Variants in CFAP96 observed in about 807,000 individuals in gnomAD.
CFAP96 encodes the protein cilia-and flagella-associated protein 96.
At chr4:185,438,218 C>A in the CFAP96 span, among the ~76,000 whole-genome samples, 2 of 151,980 alleles carry the variant, frequency 1.3e-5, no homozygotes, top group African/African-American at 4.8e-5. Context: ...GTTACATGTG[C>A]ATTAGGTCTC....
the CFAP96 span, chr4:185,440,825 A>G: frequency 8.8e-6 from 1 of 113,900 alleles, no homozygotes; most frequent in East Asian, 3.4e-4. Context: ...TTTTGTTTGT[A>G]TGGATACCAA....
chr4:185,420,122 C>G, the CFAP96 span, among the ~76,000 whole-genome samples: 5 of 152,102 alleles, frequency 3.3e-5, no homozygotes, highest in Non-Finnish European at 7.4e-5. Flanking sequence ...TTCTTTTTCT[C>G]TTTGGACTAT....
chr4:185,415,748 A>C, the CFAP96 span: 1 of 1,613,502 alleles, frequency 6.2e-7, no homozygotes, highest in African/African-American at 1.3e-5. Flanking sequence ...ATATAACTGC[A>C]TCGACAGGTA....
At chr4:185,426,781 C>T in the CFAP96 span, among the ~76,000 whole-genome samples, 2 of 150,510 alleles carry the variant, frequency 1.3e-5, no homozygotes, top group Non-Finnish European at 2.9e-5. Context: ...CCTGTAATCC[C>T]AGCACTTTGG....
the CFAP96 span, among the ~76,000 whole-genome samples, chr4:185,427,435 G>A: frequency 6.6e-6 from 1 of 152,216 alleles, no homozygotes; most frequent in Non-Finnish European, 1.5e-5. Context: ...AGGCAGGCTT[G>A]CAGAGAGGCA....
chr4:185,429,612 T>G, the CFAP96 span: 1 of 687,116 alleles, frequency 1.5e-6, no homozygotes, highest in South Asian at 2.0e-5. Context: ...TGGTTTATAT[T>G]TTAAAGCATT....
the CFAP96 span, among the ~76,000 whole-genome samples, chr4:185,415,502 A>G: frequency 1.7e-3 from 255 of 152,300 alleles, 2 homozygotes; most frequent in Non-Finnish European, 7.5e-4. Flanking sequence ...GAAACTGTGT[A>G]TTTGCTCTTT....
At chr4:185,419,200 G>C in the CFAP96 span, among the ~76,000 whole-genome samples, 24 of 151,564 alleles carry the variant, frequency 1.6e-4, no homozygotes, top group East Asian at 4.1e-3. Flanking sequence ...GGCGCGATCT[G>C]GGCTCACTGC....
chr4:185,415,023 A>C, the CFAP96 span: 7 of 729,778 alleles, frequency 9.6e-6, 1 homozygote, highest in South Asian at 1.7e-4. Context: ...TAATGTGTAA[A>C]ATGAATAGTC....
At chr4:185,413,994 T>C in the CFAP96 span, 2 of 851,370 alleles carry the variant, frequency 2.3e-6, no homozygotes, top group East Asian at 6.1e-5. Flanking sequence ...TTCCAAACAC[T>C]TATGGTTTAA....
At chr4:185,409,250 CTAAGT>C in the CFAP96 span, among the ~76,000 whole-genome samples, 403 of 152,170 alleles carry the variant, frequency 2.6e-3, 1 homozygote, top group African/African-American at 5.6e-3. Context: ...TTTGATGACG[CTAAGT>C]TAAGGGTCAA....
the CFAP96 span, chr4:185,413,647 T>C: frequency 7.5e-7 from 1 of 1,326,196 alleles, no homozygotes; most frequent in South Asian, 1.5e-5. Flanking sequence ...ATGAATCAAG[T>C]CTCCTACTGG....
At chr4:185,411,803 G>T in the CFAP96 span, among the ~76,000 whole-genome samples, 1 of 152,098 alleles carries the variant, frequency 6.6e-6, no homozygotes, top group Non-Finnish European at 1.5e-5. Flanking sequence ...AATTAACTAT[G>T]GTTAGACAAA....
chr4:185,415,359 A>G, the CFAP96 span: 21 of 1,558,474 alleles, frequency 1.3e-5, 1 homozygote, highest in African/African-American at 2.5e-4. Flanking sequence ...TGTGGGGGGA[A>G]ATATATAAGT....
the CFAP96 span, among the ~76,000 whole-genome samples, chr4:185,412,084 A>AT: frequency 6.6e-6 from 1 of 151,734 alleles, no homozygotes; most frequent in African/African-American, 2.4e-5. Flanking sequence ...TGCTTCTTAA[A>AT]TTAGGGAGGA....
At chr4:185,411,514 T>C in the CFAP96 span, among the ~76,000 whole-genome samples, 1 of 152,102 alleles carries the variant, frequency 6.6e-6, no homozygotes, top group Non-Finnish European at 1.5e-5. Flanking sequence ...CGTAAAATAT[T>C]AGCAAATGGA....
chr4:185,429,443 A>G, the CFAP96 span: 2 of 1,537,370 alleles, frequency 1.3e-6, no homozygotes, highest in Non-Finnish European at 1.8e-6. Context: ...ACGGACATGG[A>G]AAGGATTGGC....
At chr4:185,419,552 C>T in the CFAP96 span, among the ~76,000 whole-genome samples, 14 of 152,228 alleles carry the variant, frequency 9.2e-5, no homozygotes, top group Non-Finnish European at 1.9e-4. Context: ...CAGTTTTTAT[C>T]TCTCATCCAG....
At chr4:185,414,383 T>A in the CFAP96 span, among the ~76,000 whole-genome samples, 13 of 152,356 alleles carry the variant, frequency 8.5e-5, no homozygotes, top group South Asian at 2.7e-3. Flanking sequence ...CATATATGTT[T>A]AAAATGTGTT....
Sources: gnomAD v4.1 joint callset for allele counts (sites outside exome capture counted in the v4.1 genomes callset) on GRCh38, gnomAD v4.1.1 for gene constraint, MANE v1.5 for transcripts, NCBI Gene and HGNC (gene_info 2026-07-23, HGNC 2026-07-21) for gene names.